The following INTS1 variants were observed in gnomAD, a reference collection of about 807,000 sequenced individuals.
The protein encoded by INTS1 is integrator complex subunit 1.
Under a neutral mutation model 241.6 loss-of-function variants are expected in INTS1, and 137 were observed. The observed-to-expected ratio is 0.57, with a 90% CI of 0.49 to 0.65. The LOEUF (loss-of-function observed/expected upper bound fraction) is 0.65, where lower values mean the gene tolerates loss of function less well. Among genes scored for constraint, INTS1 ranks in the 30% least tolerant of loss-of-function variants. INTS1 has a pLI of 0.00. For synonymous variants in INTS1, 1,692 were observed against 1,337.8 expected (o/e 1.26, Z -5.78); for missense variants, 3,073 against 3,032.2 (o/e 1.01, Z -0.32).
intron 12 of INTS1, among the ~76,000 whole-genome samples, chr7:1,495,867 C>T (rs1304984502): frequency 1.3e-5 from 2 of 152,240 alleles, no homozygotes; most frequent in Non-Finnish European, 2.9e-5. Flanking sequence ...CCCCTCCCCA[C>T]TCCCGCCCGT....
Position 1,474,299 on chromosome 7 carries a change from G to C in INTS1, c.5698C>G (p.Arg1900Gly), listed in dbSNP as rs201767393. 8.1e-6 allele frequency: 13 copies of C among 1,608,530 alleles called. No homozygotes were observed. The highest frequency in any genetic ancestry group is 2.7e-5 in the African/African-American group (2 of 74,788). ...AAGCAGCTCAGGTGGTTCTGCTGCC[G>C]GAACTCCTGGAAGTTGAGGTGGGTG... The part of the protein sequence containing the change: ...GRTHLNFQEF[R>G]QQNHLSCFLH... Residue 1900 changes from arginine (R) to glycine (G), a missense_variant, in exon 41 of 48, where the codon CGG becomes GGG. By Grantham distance (125) the Arg-to-Gly change is moderately radical (BLOSUM62 -2). Coordinates refer to ENST00000404767, the MANE Select transcript of INTS1 (RefSeq NM_001080453.3).
At chr7:1,499,827 C>T in intron 5 of INTS1, 57 bp downstream of exon 5, 1 of 1,571,246 alleles carries the variant, frequency 6.4e-7, no homozygotes, top group Non-Finnish European at 8.7e-7. Flanking sequence ...TTTCTCTCGC[C>T]CCTGCCCCAC....
In INTS1 at chr7:1,486,673, CAAG is replaced by C. The variant is rs1782281065; in HGVS notation, c.2925_2927del (p.Phe975del). 6.2e-7 allele frequency: 1 copy of C among 1,612,394 alleles called. No homozygotes were observed. ...CCACCTGGGAGGAGCCGAGGCGCCG[CAAG>C]AAGTAGTCCAGCACCTCACACGTGG... On this transcript the variant is annotated inframe_deletion, in exon 22 of 48. Transcript: ENST00000404767.
rs367873847 is a variant in INTS1 at position 1,480,251 on chromosome 7, G to T, written c.4074+66C>A. 183 of 1,521,476 alleles carry T rather than the reference G, an allele frequency of 1.2e-4. 1 individual carries two copies. In the East Asian group the frequency reaches 1.9e-3, roughly 16 times the overall value. 94.2% of individuals were successfully genotyped at this position (1,521,476 alleles called of 1,614,324 possible). On this transcript the variant is annotated intron_variant, in intron 30 of 47. Coordinates refer to ENST00000404767, the MANE Select transcript of INTS1 (RefSeq NM_001080453.3). ...GTAAAGGCCGCTGTGCGTGCGAGGC[G>T]GCAGCGAAGGCTGCACGCAGGAAGA...
intron 19 of INTS1, 41 bp from the exon 20 acceptor site, chr7:1,487,490 G>A (rs1230962094): frequency 1.3e-6 from 2 of 1,595,764 alleles, no homozygotes; most frequent in Non-Finnish European, 1.7e-6. Flanking sequence ...CACGCCCTGA[G>A]CGGATCACCC....
chr7:1,482,856 T>G (rs1455696815), intron 26 of INTS1, 149 bp from the exon 27 acceptor site: 8 of 885,162 alleles, frequency 9.0e-6, no homozygotes, highest in Admixed American at 5.0e-5. Flanking sequence ...GGTGAGCACT[T>G]GCTATGTGCG....
In INTS1 at chr7:1,493,411, G is replaced by A. The variant is rs751077091; in HGVS notation, c.2069-305C>T. On this transcript the variant is annotated intron_variant, in intron 15 of 47. Transcript: ENST00000404767. The surrounding 1 kb of genome is among the most constrained non-coding windows in gnomAD (Gnocchi z 5.3). Reference sequence around the variant, plus strand: ...CCGCAAGCCCTCGGGGCAGAGCCACGGACGAGGCGCGAGCTGGATTTACAA... The same window carrying A: ...CCGCAAGCCCTCGGGGCAGAGCCACAGACGAGGCGCGAGCTGGATTTACAA... Among the ~76,000 whole-genome samples the A allele has an allele frequency of 1.2e-4, 19 of 152,160 alleles. No homozygotes were observed. The highest frequency in any genetic ancestry group is 1.9e-4 in the African/African-American group (8 of 41,430).
Position 1,489,584 on chromosome 7 carries a change from G to C in INTS1, c.2257+7C>G, listed in dbSNP as rs1453792103. ...GTGTGCGCATGGGGCGGCCAGCAGAGGCTCACCGATGTTCTCTGGGTTGAA... is the reference window on the plus strand; with the variant it reads ...GTGTGCGCATGGGGCGGCCAGCAGACGCTCACCGATGTTCTCTGGGTTGAA... On this transcript the variant is annotated splice_region_variant and intron_variant, in intron 17 of 47. Coordinates refer to ENST00000404767, the MANE Select transcript of INTS1 (RefSeq NM_001080453.3). 1 of 1,572,464 alleles carries C rather than the reference G, an allele frequency of 6.4e-7. No individual in the cohort carries two copies. The highest frequency in any genetic ancestry group is 1.8e-5 in the Admixed American group (1 of 55,778).
At chr7:1,474,603 T>A in intron 40 of INTS1, 102 bp downstream of exon 40, 2 of 1,416,694 alleles carry the variant, frequency 1.4e-6, no homozygotes, top group Non-Finnish European at 1.9e-6. Flanking sequence ...CATGCTTTTT[T>A]TTGTTGTTTT....
At chr7:1,499,771 A>C in intron 5 of INTS1, 113 bp downstream of exon 5, 3 of 1,466,402 alleles carry the variant, frequency 2.0e-6, no homozygotes, top group Admixed American at 2.3e-5. Context: ...TGCCATCACC[A>C]CCAGGGCTGT....
rs368094429 is a variant in INTS1 at position 1,499,669 on chromosome 7, C to T, written c.685-37G>A. 57 of 1,563,592 alleles carry T rather than the reference C, an allele frequency of 3.6e-5. No individual in the cohort carries two copies. The African/African-American group carries it at 5.4e-4, about 15-fold the overall frequency. ...CCACACCCTCAGCCCCGAGCCCAGC[C>T]GGGCAGCAGCCAGGTTGGGGAACAC... On this transcript the variant is annotated intron_variant, in intron 5 of 47. Coordinates refer to ENST00000404767, the MANE Select transcript of INTS1 (RefSeq NM_001080453.3).
At position 1,473,673 on chromosome 7, in the gene INTS1, G is replaced by A; in HGVS notation, c.5850C>T (p.Arg1950=). Residue 1950 remains arginine (R), a synonymous_variant, in exon 42 of 48, where the codon CGC becomes CGT. Transcript: ENST00000404767. ...RLLLNYRKSS[R]HLAAFINKFV... is the part of the protein sequence containing the mutation. Reference sequence around the variant, plus strand: ...ACTTGTTGATGAAGGCAGCCAGATGGCGGGAGGACTTCCTGTAATTCTGCA... The same window carrying A: ...ACTTGTTGATGAAGGCAGCCAGATGACGGGAGGACTTCCTGTAATTCTGCA... 1 of 1,613,306 alleles carries A rather than the reference G, an allele frequency of 6.2e-7. No individual in the cohort carries two copies. Among genetic ancestry groups the A allele is most frequent in the Non-Finnish European group, 8.5e-7 (1 of 1,179,772 alleles).
intron 13 of INTS1, among the ~76,000 whole-genome samples, chr7:1,495,115 A>AGTGACCGAGC (rs5881898): frequency 3.3e-5 from 5 of 151,610 alleles, no homozygotes; most frequent in African/African-American, 1.2e-4. Flanking sequence ...CGGGCTGGAC[A>AGTGACCGAGC]GCCCTTTACA....
In INTS1 at chr7:1,498,963, G is replaced by A; in HGVS notation, c.1137+12C>T. 7.8e-7 allele frequency: 1 copy of A among 1,280,954 alleles called. No homozygotes were observed. The highest frequency in any genetic ancestry group is 1.3e-5 in the South Asian group (1 of 76,974). The allele number at this position is 1,280,954 out of a possible 1,614,324, so 79.3% of individuals were successfully genotyped here. A position where few individuals can be genotyped will look rare whatever the true frequency, so the allele number is the denominator to read the frequency against. On this transcript the variant is annotated intron_variant, in intron 8 of 47. Transcript: ENST00000404767. ...CCCCTGCCCCGCCCACCCCCCCGGG[G>A]CGCCCCCGCACCTTGGGGTTCTGCA...
Position 1,477,674 on chromosome 7 carries a change from C to T in INTS1, c.4815-1G>A. ...GGGCCCCAGCCGCACGGCCTCCAGGCTGCAGGGAGAAGGTGGCTCAGGGAA... is the reference window on the plus strand; with the variant it reads ...GGGCCCCAGCCGCACGGCCTCCAGGTTGCAGGGAGAAGGTGGCTCAGGGAA... On this transcript the variant is annotated splice_acceptor_variant, in intron 34 of 47. Transcript: ENST00000404767. LOFTEE classifies it high-confidence loss of function. 1.9e-6 allele frequency: 3 copies of T among 1,597,492 alleles called. No individual in the cohort carries two copies. The highest frequency in any genetic ancestry group is 2.6e-6 in the Non-Finnish European group (3 of 1,172,248).
rs113563772 is a variant in INTS1, at chr7:1,494,316, C to T, written c.1911-405G>A. 4.9e-3 allele frequency: 1,271 copies of T among 261,742 alleles called. 11 individuals carry two copies. Among genetic ancestry groups the T allele is most frequent in the African/African-American group, 0.02 (928 of 45,410 alleles). The allele number at this position is 261,742 out of a possible 1,614,324, so 16.2% of individuals were successfully genotyped here. On this transcript the variant is annotated intron_variant, in intron 14 of 47. Transcript: ENST00000404767. ...AAGGCCGCAGTGAAGGTGAACAGAG[C>T]GCCCAGGGCACGAGGTGGGGGCAGG...
At chr7:1,472,224 T>C in intron 44 of INTS1, 49 bp downstream of exon 44, 1 of 1,398,608 alleles carries the variant, frequency 7.1e-7, no homozygotes, top group Non-Finnish European at 9.9e-7. Flanking sequence ...CGCAGCCCCA[T>C]GGGACCCAGG....
chr7:1,470,841 C>T lies in INTS1; in HGVS notation c.6457+5G>A, dbSNP rs752846485. The T allele has an allele frequency of 1.3e-6, 2 of 1,580,088 alleles. No individual in the cohort carries two copies. The highest frequency in any genetic ancestry group is 2.3e-5 in the East Asian group (1 of 42,806). On this transcript the variant is annotated splice_donor_5th_base_variant and intron_variant, in intron 47 of 47. Coordinates refer to ENST00000404767, the MANE Select transcript of INTS1 (RefSeq NM_001080453.3). ...CAGGGCCCTGGGCGGGGGGCCAGTC[C>T]TCACCTTGGCACAGGAGAGCGTACT...
Position 1,477,624 on chromosome 7 carries a change from G to C in INTS1, c.4864C>G (p.Leu1622Val). 1 of 1,585,390 alleles carries C rather than the reference G, an allele frequency of 6.3e-7. No homozygotes were observed. Among genetic ancestry groups the C allele is most frequent in the Non-Finnish European group, 8.6e-7 (1 of 1,167,200 alleles). ...GPSSGLLVDW[L>V]EMLDPEVVSS... Reference sequence around the variant, plus strand: ...ACCACCTCGGGGTCCAGCATTTCCAGCCAGTCCACTAGGAGGCCTGACGAG... The same window carrying C: ...ACCACCTCGGGGTCCAGCATTTCCACCCAGTCCACTAGGAGGCCTGACGAG... Residue 1622 changes from leucine to valine, a missense_variant, in exon 35 of 48, where the codon CTG becomes GTG. Transcript: ENST00000404767.
Sources: gnomAD v4.1 joint callset for allele counts (sites outside exome capture counted in the v4.1 genomes callset) on GRCh38, gnomAD v4.1.1 for gene constraint, Gnocchi (gnomAD v3.1) non-coding constraint, MANE v1.5 for transcripts, NCBI Gene and HGNC (gene_info 2026-07-23, HGNC 2026-07-21) for gene names.